Variants in FARS2 observed in about 807,000 individuals in gnomAD.
FARS2 encodes phenylalanyl-tRNA synthetase 2, mitochondrial.
A neutral mutation model predicts 46.4 loss-of-function variants in FARS2; 40 were observed. That is an observed-to-expected ratio of 0.86 (90% confidence interval 0.67 to 1.12). The LOEUF (loss-of-function observed/expected upper bound fraction) is 1.12, where lower values mean the gene tolerates loss of function less well. Ranked by LOEUF, FARS2 falls within the 50% of genes most tolerant of loss-of-function variation. The pLI, the probability that FARS2 is intolerant of heterozygous loss-of-function variation, is 0.00. For missense variants in FARS2, 513 were observed against 567.9 expected (o/e 0.90, Z 0.98); for synonymous variants, 234 against 214.9 (o/e 1.09, Z -0.78).
At chr6:5,676,703 A>G (rs1582736374) in intron 6 of FARS2, among the ~76,000 whole-genome samples, 1 of 152,362 alleles carries the variant, frequency 6.6e-6, no homozygotes, top group East Asian at 1.9e-4. Context: ...TTAATTATCT[A>G]TTGAATGCTC....
At chr6:5,686,348 C>G (rs4959349) in intron 6 of FARS2, among the ~76,000 whole-genome samples, 5,345 of 151,152 alleles carry the variant, frequency 0.035, 192 homozygotes, top group Non-Finnish European at 0.051. Context: ...GCTCTCCCCC[C>G]CCGCTGCCCA....
chr6:5,327,154 C>A (rs1460441688), intron 1 of FARS2, among the ~76,000 whole-genome samples: 3 of 152,068 alleles, frequency 2.0e-5, no homozygotes, highest in African/African-American at 7.2e-5. Context: ...AATCAGCCTT[C>A]CCCCTAACAA....
At position 5,450,039 on chromosome 6, in the gene FARS2, A is replaced by G. The variant is rs1764397548; in HGVS notation, c.904+18867A>G. Among the ~76,000 whole-genome samples the G allele has an allele frequency of 2.0e-5, 3 of 152,214 alleles. No individual in the cohort carries two copies. In the South Asian group the frequency reaches 6.2e-4, roughly 32 times the overall value. On this transcript the variant is annotated intron_variant, in intron 4 of 6. Coordinates refer to ENST00000274680, the MANE Select transcript of FARS2 (RefSeq NM_006567.5). ...TGTATACATGGGTTTTGCATCCTGC[A>G]AATACTGTATTTTTGACCCACAGTT...
At chr6:5,468,027 A>C (rs1256233159) in intron 4 of FARS2, among the ~76,000 whole-genome samples, 1 of 152,226 alleles carries the variant, frequency 6.6e-6, no homozygotes, top group Non-Finnish European at 1.5e-5. Flanking sequence ...GTAAAAACTT[A>C]TAGCCACCAA....
At position 5,588,248 on chromosome 6, in the gene FARS2, G is replaced by A. The variant is rs530346623; in HGVS notation, c.1066-24921G>A. On this transcript the variant is annotated intron_variant, in intron 5 of 6. Transcript: ENST00000274680. The stretch of plus-strand genomic sequence containing the variant: ...TGTTAAGGGGCCCAGGGTGAAGGGC[G>A]GGGGAAGTGGTGTGGGCGTGGGCAG... Among the ~76,000 whole-genome samples the A allele has an allele frequency of 9.6e-5, 10 of 104,546 alleles. No individual in the cohort carries two copies. In the East Asian group the frequency reaches 1.8e-3, roughly 19 times the overall value. The allele number at this position is 104,546 out of a possible 152,430, so 68.6% of individuals were successfully genotyped here.
chr6:5,438,907 G>A (rs1170824637), intron 4 of FARS2, among the ~76,000 whole-genome samples: 1 of 152,184 alleles, frequency 6.6e-6, no homozygotes, highest in African/African-American at 2.4e-5. Flanking sequence ...ATCGTCCTGT[G>A]ATTGACTTTT....
chr6:5,597,820 A>C (rs566442086), intron 5 of FARS2, among the ~76,000 whole-genome samples: 1 of 152,200 alleles, frequency 6.6e-6, no homozygotes, highest in African/African-American at 2.4e-5. Context: ...ACCGTAGCCA[A>C]TATTTCCTTC....
chr6:5,734,047 T>C (rs1403198714), intron 6 of FARS2, among the ~76,000 whole-genome samples: 7 of 152,226 alleles, frequency 4.6e-5, no homozygotes, highest in Non-Finnish European at 8.8e-5. Context: ...CCAAGAGTGC[T>C]AAACTGGTGT....
chr6:5,513,922 T>TAA (rs879628229), intron 4 of FARS2, among the ~76,000 whole-genome samples: 36 of 146,308 alleles, frequency 2.5e-4, no homozygotes, highest in African/African-American at 9.0e-4. Flanking sequence ...TTAGGTTATC[T>TAA]AAAAAAAAAA....
chr6:5,397,975 A>C (rs1761007807), intron 2 of FARS2, among the ~76,000 whole-genome samples: 1 of 152,166 alleles, frequency 6.6e-6, no homozygotes, highest in Admixed American at 6.5e-5. Context: ...CATATTCTAC[A>C]TTTTTGACAA....
Position 5,727,837 on chromosome 6 carries a change from C to T in FARS2, c.1218-43454C>T, listed in dbSNP as rs982304419. On this transcript the variant is annotated intron_variant, in intron 6 of 6. Coordinates refer to ENST00000274680, the MANE Select transcript of FARS2 (RefSeq NM_006567.5). This position sits in a 1 kb window ranked among gnomAD's most constrained non-coding sequence, Gnocchi z 4.1. The stretch of plus-strand genomic sequence containing the variant: ...GTCCCCAGCACTTGGATATGTAATG[C>T]GAGGGATACCAACAGACTGATTTCT... Among the ~76,000 whole-genome samples the T allele has an allele frequency of 6.6e-6, 1 of 152,128 alleles. No homozygotes were observed. Among genetic ancestry groups the T allele is most frequent in the African/African-American group, 2.4e-5 (1 of 41,418 alleles).
At chr6:5,707,424 G>T (rs1404670594) in intron 6 of FARS2, among the ~76,000 whole-genome samples, 1 of 152,212 alleles carries the variant, frequency 6.6e-6, no homozygotes, top group Non-Finnish European at 1.5e-5. Context: ...GGCCTAAGGG[G>T]AGGCGTAGAC....
In FARS2 at chr6:5,411,043, G is replaced by T. The variant is rs185131716; in HGVS notation, c.772+6342G>T. On this transcript the variant is annotated intron_variant, in intron 3 of 6. Coordinates refer to ENST00000274680, the MANE Select transcript of FARS2 (RefSeq NM_006567.5). Reference sequence around the variant, plus strand: ...AGTTAGCTTTTGGATAGGATACAAAGAAATCTTATTAGTAATATTTCAGAG... The same window carrying T: ...AGTTAGCTTTTGGATAGGATACAAATAAATCTTATTAGTAATATTTCAGAG... Among the ~76,000 whole-genome samples the T allele has an allele frequency of 1.5e-3, 231 of 152,266 alleles. 3 individuals are homozygous for T. The Middle Eastern group carries it at 0.017, about 11-fold the overall frequency.
upstream of FARS2, chr6:5,260,747 A>T (rs913212281): frequency 1.3e-6 from 2 of 1,544,300 alleles, no homozygotes; most frequent in East Asian, 4.9e-5. Context: ...GGAAAGAAAA[A>T]AAAATAAACG....
intron 5 of FARS2, among the ~76,000 whole-genome samples, chr6:5,603,292 C>T (rs994553255): frequency 4.6e-5 from 7 of 152,120 alleles, no homozygotes; most frequent in East Asian, 1.9e-4. Flanking sequence ...AAATGGTTTT[C>T]GCCACGTTGG....
At chr6:5,379,955 A>G (rs1759648766) in intron 2 of FARS2, among the ~76,000 whole-genome samples, 1 of 152,250 alleles carries the variant, frequency 6.6e-6, no homozygotes, top group African/African-American at 2.4e-5. Context: ...TGTGTAGGTG[A>G]TAAGTGACAG....
At position 5,647,762 on chromosome 6, in the gene FARS2, T is replaced by C. The variant is rs145135646; in HGVS notation, c.1217+34442T>C. Among the ~76,000 whole-genome samples, 1,002 of 152,330 alleles carry C rather than the reference T, an allele frequency of 6.6e-3. 6 individuals carry two copies. Among genetic ancestry groups the C allele is most frequent in the South Asian group, 0.014 (66 of 4,822 alleles). ...ACAGGTTAAATGCAAACACATGCTTTAACTTGCACAGAATCATCAGTGCAT... is the reference window on the plus strand; with the variant it reads ...ACAGGTTAAATGCAAACACATGCTTCAACTTGCACAGAATCATCAGTGCAT... On this transcript the variant is annotated intron_variant, in intron 6 of 6. Coordinates refer to ENST00000274680, the MANE Select transcript of FARS2 (RefSeq NM_006567.5).
chr6:5,741,992 C>T (rs1761374796), intron 6 of FARS2, among the ~76,000 whole-genome samples: 3 of 152,342 alleles, frequency 2.0e-5, no homozygotes, highest in South Asian at 4.1e-4. Flanking sequence ...TGTCAACAGG[C>T]TCCTGGGATA....
chr6:5,595,715 A>G (rs909160247), intron 5 of FARS2, among the ~76,000 whole-genome samples: 2 of 152,206 alleles, frequency 1.3e-5, no homozygotes, highest in East Asian at 3.8e-4. Context: ...GTTGGCCATG[A>G]ATGGAAGAGC....
Sources: allele counts gnomAD v4.1 joint callset (sites outside exome capture counted in the v4.1 genomes callset), GRCh38; gene constraint gnomAD v4.1.1; non-coding constraint Gnocchi (gnomAD v3.1); transcripts MANE v1.5; gene names NCBI Gene and HGNC (gene_info 2026-07-23, HGNC 2026-07-21).